PXDNL: variants seen among roughly 807,000 people sequenced by gnomAD.
The protein encoded by PXDNL is probable oxidoreductase PXDNL.
In PXDNL, 145 loss-of-function variants were observed where a neutral mutation model predicts 150.8. The observed-to-expected ratio is 0.96, with a 90% CI of 0.84 to 1.10. PXDNL has a LOEUF of 1.10. Among genes scored for constraint, PXDNL ranks in the 50% least tolerant of loss-of-function variants. The pLI is 0.00. For missense variants in PXDNL, 2,087 were observed against 1,873.9 expected, an observed-to-expected ratio of 1.11 and a Z score of -2.10; for synonymous variants, 757 against 725.7, an observed-to-expected ratio of 1.04 and a Z score of -0.69.
chr8:51,345,692 G>A (rs1806129536), intron 20 of PXDNL, 141 bp downstream of exon 20: 4 of 567,082 alleles, frequency 7.1e-6, no homozygotes, highest in Admixed American at 6.3e-5. Context: ...AATTCATTCT[G>A]TGTTTTCTCC....
In PXDNL at chr8:51,742,145, T is replaced by C. The variant is rs558564724; in HGVS notation, c.164+67036A>G. Reference sequence around the variant, plus strand: ...CACTGAGTGAAAAGCCCATCTAAAATGTTACATACTGCATGAGTCCATCTA... The same window carrying C: ...CACTGAGTGAAAAGCCCATCTAAAACGTTACATACTGCATGAGTCCATCTA... On this transcript the variant is annotated intron_variant, in intron 1 of 22. Transcript: ENST00000356297. Among the ~76,000 whole-genome samples, 23 of 152,272 alleles carry C rather than the reference T, an allele frequency of 1.5e-4. No individual in the cohort carries two copies. The South Asian group carries it at 4.8e-3, about 32-fold the overall frequency.
intron 19 of PXDNL, 75 bp from the exon 20 acceptor site, chr8:51,346,022 ACAGT>A (rs1485630652): frequency 1.1e-6 from 1 of 909,482 alleles, no homozygotes; most frequent in African/African-American, 1.6e-5. Flanking sequence ...CATTTCTTTA[ACAGT>A]CAGAGAGGGC....
intron 17 of PXDNL, among the ~76,000 whole-genome samples, chr8:51,378,576 C>G (rs1400744235): frequency 6.6e-6 from 1 of 152,216 alleles, no homozygotes; most frequent in Non-Finnish European, 1.5e-5. Context: ...CCATTCCACT[C>G]TGTGGAAGAT....
chr8:51,652,422 GTC>G (rs1213759314), intron 2 of PXDNL, among the ~76,000 whole-genome samples: 114 of 129,498 alleles, frequency 8.8e-4, no homozygotes, highest in Middle Eastern at 7.7e-3. Flanking sequence ...CTGTCTCTCT[GTC>G]TCTCTCTCTC....
intron 2 of PXDNL, among the ~76,000 whole-genome samples, chr8:51,603,492 T>A (rs1813772418): frequency 1.3e-5 from 2 of 152,028 alleles, no homozygotes; most frequent in East Asian, 1.9e-4. Context: ...AAGTTGGATA[T>A]TTTCTTTCAT....
chr8:51,738,916 T>C (rs2036869912), intron 1 of PXDNL, among the ~76,000 whole-genome samples: 1 of 86,742 alleles, frequency 1.2e-5, no homozygotes, highest in Non-Finnish European at 3.5e-5. Context: ...GACAACAAAA[T>C]TAGTCGAAAA....
At chr8:51,790,647 C>T (rs912854042) in intron 1 of PXDNL, among the ~76,000 whole-genome samples, 6 of 151,974 alleles carry the variant, frequency 3.9e-5, no homozygotes, top group Non-Finnish European at 7.4e-5. Flanking sequence ...CAGCTCTCTG[C>T]GACACTGTCC....
At chr8:51,487,662 C>T (rs76994550) in intron 5 of PXDNL, among the ~76,000 whole-genome samples, 8,639 of 152,124 alleles carry the variant, frequency 0.057, 391 homozygotes, top group East Asian at 0.26. Context: ...TGCTTGGTAA[C>T]GTAGTAGTAA....
At chr8:51,664,529 C>T (rs140906875) in intron 1 of PXDNL, among the ~76,000 whole-genome samples, 1 of 152,104 alleles carries the variant, frequency 6.6e-6, no homozygotes, top group Non-Finnish European at 1.5e-5. Context: ...CAATACCAGC[C>T]CATTTGCACG....
At chr8:51,352,448 T>C (rs1806381223) in intron 19 of PXDNL, among the ~76,000 whole-genome samples, 1 of 152,148 alleles carries the variant, frequency 6.6e-6, no homozygotes, top group Non-Finnish European at 1.5e-5. Context: ...GCCCCACATG[T>C]CCAGGGAGGG....
intron 1 of PXDNL, among the ~76,000 whole-genome samples, chr8:51,683,374 T>C (rs868427084): frequency 6.6e-6 from 1 of 151,396 alleles, no homozygotes; most frequent in Middle Eastern, 3.4e-3. Context: ...ATGTCTTCTT[T>C]GGAGAAATGA....
At chr8:51,501,822 G>T (rs187081698) in intron 4 of PXDNL, among the ~76,000 whole-genome samples, 65 of 152,368 alleles carry the variant, frequency 4.3e-4, no homozygotes, top group Middle Eastern at 3.4e-3. Flanking sequence ...AAGAGGATGT[G>T]GGGGAGGAGT....
intron 12 of PXDNL, among the ~76,000 whole-genome samples, chr8:51,441,276 C>A (rs1024203736): frequency 6.6e-6 from 1 of 152,196 alleles, no homozygotes; most frequent in East Asian, 1.9e-4. Flanking sequence ...AATTAAACCT[C>A]TTTTCTTTAT....
At chr8:51,610,588 G>A (rs779381671) in intron 2 of PXDNL, among the ~76,000 whole-genome samples, 1 of 152,090 alleles carries the variant, frequency 6.6e-6, no homozygotes. Context: ...TTCAATTGCT[G>A]TAAACAATAC....
intron 1 of PXDNL, among the ~76,000 whole-genome samples, chr8:51,778,730 C>A (rs1432662732): frequency 6.6e-6 from 1 of 152,190 alleles, no homozygotes; most frequent in East Asian, 1.9e-4. Flanking sequence ...TGCTTTGGAG[C>A]CTCCCACGCT....
intron 3 of PXDNL, among the ~76,000 whole-genome samples, chr8:51,575,079 C>A (rs374262077): frequency 6.6e-6 from 1 of 151,872 alleles, no homozygotes; most frequent in Non-Finnish European, 1.5e-5. Flanking sequence ...TGAAGTAATT[C>A]TCAATGTATG....
intron 4 of PXDNL, among the ~76,000 whole-genome samples, chr8:51,552,512 T>C (rs1585573841): frequency 6.6e-6 from 1 of 152,262 alleles, no homozygotes; most frequent in East Asian, 1.9e-4. Context: ...TAAAAATGAA[T>C]GAAATAATGG....
rs528855231 is a variant in PXDNL at position 51,765,964 on chromosome 8, C to T, written c.164+43217G>A. On this transcript the variant is annotated intron_variant, in intron 1 of 22. Transcript: ENST00000356297. ...GTTCACACCATTCTCCTGCCTCAGC[C>T]TCCCACGTAGCTGGCACTACAGGCG... Among the ~76,000 whole-genome samples the T allele has an allele frequency of 3.9e-5, 6 of 152,056 alleles. No individual in the cohort carries two copies. The South Asian group carries it at 1.0e-3, about 26-fold the overall frequency.
At chr8:51,725,225 CAAT>C (rs1454007184) in intron 1 of PXDNL, among the ~76,000 whole-genome samples, 12 of 152,272 alleles carry the variant, frequency 7.9e-5, no homozygotes, top group African/African-American at 2.9e-4. Flanking sequence ...TGTTGACAAT[CAAT>C]AGCCCCATCC....
Sources: gnomAD v4.1 joint callset for allele counts (sites outside exome capture counted in the v4.1 genomes callset) on GRCh38, gnomAD v4.1.1 for gene constraint, MANE v1.5 for transcripts, NCBI Gene and HGNC (gene_info 2026-07-23, HGNC 2026-07-21) for gene names.